MSL1: variants seen among roughly 807,000 people sequenced by gnomAD.
MSL1 encodes male-specific lethal 1 homolog.
MSL1 carries 21 observed loss-of-function variants against 64.6 expected under a neutral mutation model. The observed-to-expected ratio is 0.33, with a 90% CI of 0.23 to 0.47. The LOEUF is 0.47. MSL1 is among the 20% of genes least tolerant of loss of function. The pLI is 1.00. For synonymous variants in MSL1, 339 were observed against 329.6 expected (o/e 1.03, Z -0.31); for missense variants, 664 against 793.2 (o/e 0.84, Z 1.96).
At chr17:40,133,786 T>A in intron 7 of MSL1, 41 bp from the exon 8 acceptor site, 1 of 1,611,304 alleles carries the variant, frequency 6.2e-7, no homozygotes, top group South Asian at 1.1e-5. Context: ...ACATTTCCCA[T>A]CTGTATTACT....
chr17:40,126,729 A>C (rs1309154260), intron 2 of MSL1: 1 of 230,178 alleles, frequency 4.3e-6, no homozygotes. Flanking sequence ...AATCACTTGA[A>C]CCCGGGAGGC....
At position 40,123,380 on chromosome 17, in the gene MSL1, G is replaced by C. The variant is rs768040135; in HGVS notation, c.768G>C (p.Thr256=). The part of the protein sequence containing the change: ...EIEELKSERD[T]LLARIERMER... ...AGGAGCTGAAGTCAGAGAGAGACAC[G>C]GTACGGGAGGGGTTAATCTGCATTC... is the stretch of plus-strand genomic sequence containing the variant. The change falls in exon 1 of 9, where the codon ACG becomes ACC. Residue 256 remains threonine, a splice_region_variant and synonymous_variant. Transcript: ENST00000398532. 1 of 1,535,964 alleles carries C rather than the reference G, an allele frequency of 6.5e-7. No homozygotes were observed. Among genetic ancestry groups the C allele is most frequent in the Non-Finnish European group, 8.7e-7 (1 of 1,146,744 alleles).
In MSL1 at chr17:40,129,240, A is replaced by C; in HGVS notation, c.993-5A>C. On this transcript the variant is annotated splice_region_variant and splice_polypyrimidine_tract_variant and intron_variant, in intron 2 of 8. Transcript: ENST00000398532. The stretch of plus-strand genomic sequence containing the variant: ...TTTTATAATGTTTTCTTCCCTATCT[A>C]ATAGGAAATCCCCATTTGGAAGTAC... 1 of 1,538,354 alleles carries C rather than the reference A, an allele frequency of 6.5e-7. No homozygotes were observed.
chr17:40,125,909 C>G (rs969588153), intron 1 of MSL1, among the ~76,000 whole-genome samples: 1 of 152,232 alleles, frequency 6.6e-6, no homozygotes, highest in African/African-American at 2.4e-5. Flanking sequence ...TACGGCCCTT[C>G]CCAGTGGAGA....
rs991813492 is a variant in MSL1, at chr17:40,131,434, T to C, written c.1376-103T>C. On this transcript the variant is annotated intron_variant, in intron 3 of 8. Coordinates refer to ENST00000398532, the MANE Select transcript of MSL1 (RefSeq NM_001365919.1). The surrounding 1 kb of genome is among the most constrained non-coding windows in gnomAD (Gnocchi z 4.5). The stretch of plus-strand genomic sequence containing the variant: ...CAAAAGAACAACTCAAAAAACAAAA[T>C]GGCTTCCTAGTGAGAACTTCAGTGA... The C allele has an allele frequency of 1.1e-5, 11 of 1,002,750 alleles. No homozygotes were observed. The highest frequency in any genetic ancestry group is 7.2e-5 in the East Asian group (3 of 41,382). 62.1% of individuals were successfully genotyped at this position (1,002,750 alleles called of 1,614,324 possible).
intron 2 of MSL1, among the ~76,000 whole-genome samples, chr17:40,128,369 C>CTTTTTTTTTTTTT (rs145183199): frequency 1.8e-5 from 2 of 112,708 alleles, no homozygotes; most frequent in Non-Finnish European, 3.7e-5. Flanking sequence ...CTTGAATATT[C>CTTTTTTTTTTTTT]TTTTTTTTTT....
chr17:40,132,241 C>T (rs1988451422), intron 5 of MSL1, 143 bp downstream of exon 5: 3 of 595,914 alleles, frequency 5.0e-6, no homozygotes, highest in Non-Finnish European at 5.9e-6. Context: ...TAGTCCAGCT[C>T]CTTCATTTTA....
At position 40,134,550 on chromosome 17, in the gene MSL1, TTG is replaced by T; in HGVS notation, c.*184_*185del. On this transcript the variant is annotated 3_prime_UTR_variant, in exon 9 of 9. Transcript: ENST00000398532. ...CACAAAAACTCTTTCATTCGGCTAATTGTGAGTTATGGAGGGTGATTGGGATT... is the reference window on the plus strand; with the variant it reads ...CACAAAAACTCTTTCATTCGGCTAATTGAGTTATGGAGGGTGATTGGGATT... 1 of 597,464 alleles carries T rather than the reference TTG, an allele frequency of 1.7e-6. No individual in the cohort carries two copies. The highest frequency in any genetic ancestry group is 3.0e-6 in the Non-Finnish European group (1 of 336,974). The allele number at this position is 597,464 out of a possible 1,614,324, so 37.0% of individuals were successfully genotyped here. A position where few individuals can be genotyped will look rare whatever the true frequency, so the allele number is the denominator to read the frequency against.
chr17:40,129,223 T>C (rs199624456), intron 2 of MSL1, 22 bp from the exon 3 acceptor site: 2 of 1,493,584 alleles, frequency 1.3e-6, no homozygotes, highest in African/African-American at 1.4e-5. Context: ...AATTTTATAA[T>C]GTTTTCTTCC....
Position 40,122,816 on chromosome 17 carries a change from G to C in MSL1, c.204G>C (p.Ala68=). ...PLASSQGGSP[A]PSPAGCGGKG... ...CCTCCTCCCAGGGCGGGAGCCCCGC[G>C]CCTTCCCCGGCCGGCTGCGGCGGCA... Residue 68 remains alanine (A), a synonymous_variant, in exon 1 of 9, where the codon GCG becomes GCC. Coordinates refer to ENST00000398532, the MANE Select transcript of MSL1 (RefSeq NM_001365919.1). The surrounding 1 kb of genome is among the most constrained non-coding windows in gnomAD (Gnocchi z 4.2). The C allele has an allele frequency of 7.3e-7, 1 of 1,368,754 alleles. No homozygotes were observed. Among genetic ancestry groups the C allele is most frequent in the Non-Finnish European group, 9.4e-7 (1 of 1,069,486 alleles). 84.8% of individuals were successfully genotyped at this position (1,368,754 alleles called of 1,614,324 possible).
intron 2 of MSL1, among the ~76,000 whole-genome samples, chr17:40,128,399 G>A (rs1988369186): frequency 7.9e-6 from 1 of 126,778 alleles, no homozygotes; most frequent in African/African-American, 3.0e-5. Context: ...TTCTGAGACA[G>A]AGTCTCACTC....
chr17:40,136,237 T>C lies in MSL1; in HGVS notation c.*1868T>C, dbSNP rs187963435. 1.3e-5 allele frequency: 2 copies of C among 152,472 alleles called. No individual in the cohort carries two copies. The highest frequency in any genetic ancestry group is 4.8e-5 in the African/African-American group (2 of 41,580). 9.4% of individuals were successfully genotyped at this position (152,472 alleles called of 1,614,324 possible). On this transcript the variant is annotated 3_prime_UTR_variant, in exon 9 of 9. Coordinates refer to ENST00000398532, the MANE Select transcript of MSL1 (RefSeq NM_001365919.1). Reference sequence around the variant, plus strand: ...GGGTATGAGTTAGCAAATTTAACCATTGTGTTTGTGCCCTACCCAGGGGAC... The same window carrying C: ...GGGTATGAGTTAGCAAATTTAACCACTGTGTTTGTGCCCTACCCAGGGGAC...
rs1988395848 is a variant in MSL1 at position 40,129,487 on chromosome 17, A to G, written c.1235A>G (p.Lys412Arg). 1 of 1,613,760 alleles carries G rather than the reference A, an allele frequency of 6.2e-7. No individual in the cohort carries two copies. Among genetic ancestry groups the G allele is most frequent in the Admixed American group, 1.7e-5 (1 of 59,992 alleles). ...TPQKGPSTHP[K>R]EKAFSSEIED... ...CAAAAGGGACCCAGCACCCATCCCA[A>G]GGAGAAAGCCTTCTCAAGTGAGATA... Residue 412 changes from lysine to arginine, a missense_variant, in exon 3 of 9, where the codon AAG becomes AGG. Coordinates refer to ENST00000398532, the MANE Select transcript of MSL1 (RefSeq NM_001365919.1).
rs1293379839 is a variant in MSL1 at position 40,133,787 on chromosome 17, C to T, written c.1682-40C>T. The T allele has an allele frequency of 1.9e-6, 3 of 1,610,758 alleles. No individual in the cohort carries two copies. In the South Asian group the frequency reaches 3.3e-5, roughly 18 times the overall value. ...GATATAGCTTCTAGACATTTCCCAT[C>T]TGTATTACTAATACGCTCCCGTTTG... On this transcript the variant is annotated intron_variant, in intron 7 of 8. Transcript: ENST00000398532.
In MSL1 at chr17:40,136,858, C is replaced by T. The variant is rs1988549636; in HGVS notation, c.*2489C>T. ...AACAATTCTGCTTGTATATTTGAAA[C>T]ATTGGAAAAAGAAATCCATTTTCTC... On this transcript the variant is annotated 3_prime_UTR_variant, in exon 9 of 9. Transcript: ENST00000398532. The T allele has an allele frequency of 6.6e-6, 1 of 152,316 alleles. No homozygotes were observed. The allele number at this position is 152,316 out of a possible 1,614,324, so 9.4% of individuals were successfully genotyped here.
rs1988222086 is a variant in MSL1, at chr17:40,122,978, A to C, written c.366A>C (p.Gly122=). Residue 122 remains glycine, a synonymous_variant, in exon 1 of 9, where the codon GGA becomes GGC. Coordinates refer to ENST00000398532, the MANE Select transcript of MSL1 (RefSeq NM_001365919.1). The surrounding 1 kb of genome is among the most constrained non-coding windows in gnomAD (Gnocchi z 4.2). Reference sequence around the variant, plus strand: ...TTGGGGGGGAGCCTGCCGCAGCCGGAGCCGGCTGCAGCCCCCGGCCCAAGT... The same window carrying C: ...TTGGGGGGGAGCCTGCCGCAGCCGGCGCCGGCTGCAGCCCCCGGCCCAAGT... ...AGIGGEPAAA[G]AGCSPRPKYQ... is the part of the protein sequence containing the mutation. 1 of 1,527,524 alleles carries C rather than the reference A, an allele frequency of 6.5e-7. No homozygotes were observed. Among genetic ancestry groups the C allele is most frequent in the Non-Finnish European group, 8.7e-7 (1 of 1,143,950 alleles). The allele number at this position is 1,527,524 out of a possible 1,614,324, so 94.6% of individuals were successfully genotyped here.
At chr17:40,123,585 CA>C (rs1048051776) in intron 1 of MSL1, among the ~76,000 whole-genome samples, 3 of 151,256 alleles carry the variant, frequency 2.0e-5, no homozygotes, top group East Asian at 1.9e-4. Context: ...GGCAACCTCT[CA>C]GGGGGAGGGG....
Position 40,135,318 on chromosome 17 carries a change from G to A in MSL1, c.*949G>A, listed in dbSNP as rs1988519261. 6.6e-6 allele frequency: 1 copy of A among 152,204 alleles called. No homozygotes were observed. Among genetic ancestry groups the A allele is most frequent in the African/African-American group, 2.4e-5 (1 of 41,402 alleles). The allele number at this position is 152,204 out of a possible 1,614,324, so 9.4% of individuals were successfully genotyped here. A position where few individuals can be genotyped will look rare whatever the true frequency, so the allele number is the denominator to read the frequency against. ...CTTGAAACAAACAGATGTACCTAAT[G>A]AGCTTCTCCATTCACTTTGTAAAAA... On this transcript the variant is annotated 3_prime_UTR_variant, in exon 9 of 9. Transcript: ENST00000398532.
At position 40,122,802 on chromosome 17, in the gene MSL1, G is replaced by T; in HGVS notation, c.190G>T (p.Gly64Cys). ...EPGPPLASSQ[G>C]GSPAPSPAGC... ...GGGGCCCCCGCTGGCCTCCTCCCAG[G>T]GCGGGAGCCCCGCGCCTTCCCCGGC... The change falls in exon 1 of 9, where the codon GGC (glycine) becomes TGC (cysteine). Residue 64 changes from glycine to cysteine, a missense_variant. Physicochemically the swap from Gly to Cys is radical, Grantham distance 159. This residue lies in a region of MSL1 where 466 missense variants were observed against 499.0 expected (regional missense o/e 0.93). Coordinates refer to ENST00000398532, the MANE Select transcript of MSL1 (RefSeq NM_001365919.1). The surrounding 1 kb of genome is among the most constrained non-coding windows in gnomAD (Gnocchi z 4.2). 7.3e-7 allele frequency: 1 copy of T among 1,373,144 alleles called. No homozygotes were observed. The highest frequency in any genetic ancestry group is 9.3e-7 in the Non-Finnish European group (1 of 1,072,310). The allele number at this position is 1,373,144 out of a possible 1,614,324, so 85.1% of individuals were successfully genotyped here.
Sources: allele counts gnomAD v4.1 joint callset (sites outside exome capture counted in the v4.1 genomes callset), GRCh38; gene constraint gnomAD v4.1.1; regional missense constraint gnomAD v4.1.1; non-coding constraint Gnocchi (gnomAD v3.1); transcripts MANE v1.5; gene names NCBI Gene and HGNC (gene_info 2026-07-23, HGNC 2026-07-21).